Variants in CDH16 observed in about 807,000 individuals in gnomAD.
CDH16 encodes cadherin-16.
In CDH16, 79 loss-of-function variants were observed where a neutral mutation model predicts 87.6. The observed-to-expected ratio is 0.90, with a 90% CI of 0.75 to 1.09. The LOEUF (loss-of-function observed/expected upper bound fraction) is 1.09. Ranked by LOEUF, CDH16 falls within the 50% of genes least tolerant of loss-of-function variation. CDH16 has a pLI of 0.00. For missense variants in CDH16, 1,124 were observed against 1,071.7 expected, an observed-to-expected ratio of 1.05 and a Z score of -0.68; for synonymous variants, 457 against 439.5, an observed-to-expected ratio of 1.04 and a Z score of -0.50.
At position 66,918,227 on chromosome 16, in the gene CDH16, GC is replaced by G. The variant is rs781501771; in HGVS notation, c.-13-150del. 9.2e-5 allele frequency: 50 copies of G among 542,540 alleles called. 1 individual carries two copies. The highest frequency in any genetic ancestry group is 4.9e-4 in the Middle Eastern group (1 of 2,026). 33.6% of individuals were successfully genotyped at this position (542,540 alleles called of 1,614,324 possible). ...GGCTCTCCATCTCCTGCAGGGTAGT[GC>G]CCTGCTCCTCGGCCAGGCCCACCAA... On this transcript the variant is annotated intron_variant, in intron 1 of 17. Transcript: ENST00000299752.
rs774110646 is a variant in CDH16, at chr16:66,913,621, G to A, written c.781-8C>T. 2 of 1,613,554 alleles carry A rather than the reference G, an allele frequency of 1.2e-6. No homozygotes were observed. The highest frequency in any genetic ancestry group is 1.1e-5 in the South Asian group (1 of 91,006). On this transcript the variant is annotated splice_polypyrimidine_tract_variant and splice_region_variant and intron_variant, in intron 7 of 17. Coordinates refer to ENST00000299752, the MANE Select transcript of CDH16 (RefSeq NM_004062.4). ...ACCCCCACTCCAGTGTACCTGGGGG[G>A]GACACCCCGGGCCAAGGGGCAGGAA...
chr16:66,915,378 C>T lies in CDH16; in HGVS notation c.425G>A (p.Gly142Asp), dbSNP rs761786277. The T allele has an allele frequency of 6.1e-5, 98 of 1,613,218 alleles. No individual in the cohort carries two copies. Among genetic ancestry groups the T allele is most frequent in the Non-Finnish European group, 8.2e-5 (97 of 1,179,634 alleles). Residue 142 changes from glycine to aspartate, a missense_variant and splice_region_variant, in exon 6 of 18, where the codon GGC (glycine) becomes GAC (aspartate). Physicochemically the swap from Gly to Asp is moderately conservative, Grantham distance 94. Transcript: ENST00000299752. The part of the protein sequence containing the change: ...RARLSRGTRP[G>D]IPFLFLEASD... ...AGCCTCAAGGAAGAGGAAGGGGATG[C>T]CTGGTTCACGGTGGGAGGGCAAACT...
At chr16:66,915,573 T>C (rs1181791436) in intron 5 of CDH16, among the ~76,000 whole-genome samples, 195 bp from the exon 6 acceptor site, 9 of 150,878 alleles carry the variant, frequency 6.0e-5, no homozygotes, top group Admixed American at 5.3e-4. Flanking sequence ...CTCAGTGGAG[T>C]AGGGAGGAAC....
rs745451873 is a variant in CDH16 at position 66,912,026 on chromosome 16, C to T, written c.1663G>A (p.Val555Met). 10 of 1,614,168 alleles carry T rather than the reference C, an allele frequency of 6.2e-6. No homozygotes were observed. Among genetic ancestry groups the T allele is most frequent in the Non-Finnish European group, 8.5e-6 (10 of 1,180,026 alleles). The part of the protein sequence containing the change: ...PGATATVTVL[V>M]ERVMPPPKLD... ...TTGGGGGGTGGCATCACTCTCTCCA[C>T]TAGCACAGTCACCGTGGCGGTGGCT... Residue 555 changes from valine to methionine, a missense_variant, in exon 13 of 18, where the codon GTG becomes ATG. Physicochemically the swap from Val to Met is conservative, Grantham distance 21. Transcript: ENST00000299752.
In CDH16 at chr16:66,912,991, C is replaced by CAT. The variant is rs1962501665; in HGVS notation, c.1055-101_1055-100insAT. The stretch of plus-strand genomic sequence containing the variant: ...TGCCAAACTAAACTGAATTTGAGCT[C>CAT]GTGTGTGTGTGTGTGTGTGTGTGTG... On this transcript the variant is annotated intron_variant, in intron 9 of 17. Transcript: ENST00000299752. 7 of 1,113,034 alleles carry CAT rather than the reference C, an allele frequency of 6.3e-6. No individual in the cohort carries two copies. In the East Asian group the frequency reaches 7.2e-5, roughly 11 times the overall value. 68.9% of individuals were successfully genotyped at this position (1,113,034 alleles called of 1,614,324 possible). A position where few individuals can be genotyped will look rare whatever the true frequency, so the allele number is the denominator to read the frequency against.
chr16:66,912,461 C>G (rs769646261), intron 11 of CDH16, 31 bp from the exon 12 acceptor site: 2 of 1,614,132 alleles, frequency 1.2e-6, no homozygotes, highest in South Asian at 2.2e-5. Flanking sequence ...GTGAGCCCCC[C>G]ACCAGCATCC....
At chr16:66,914,563 T>C (rs1745268199) in intron 6 of CDH16, 151 bp from the exon 7 acceptor site, 1 of 623,144 alleles carries the variant, frequency 1.6e-6, no homozygotes, top group Non-Finnish European at 2.8e-6. Flanking sequence ...TTAAGCACTG[T>C]TGTGAGCCTC....
chr16:66,915,439 C>T, intron 5 of CDH16, 61 bp from the exon 6 acceptor site: 1 of 1,531,058 alleles, frequency 6.5e-7, no homozygotes, highest in East Asian at 2.3e-5. Flanking sequence ...GTCTCCCATG[C>T]CTCTCCTATT....
At position 66,915,133 on chromosome 16, in the gene CDH16, C is replaced by T. The variant is rs929062746; in HGVS notation, c.583+87G>A. 9 of 1,320,738 alleles carry T rather than the reference C, an allele frequency of 6.8e-6. No homozygotes were observed. The Admixed American group carries it at 2.0e-4, about 29-fold the overall frequency. The allele number at this position is 1,320,738 out of a possible 1,614,324, so 81.8% of individuals were successfully genotyped here. A position where few individuals can be genotyped will look rare whatever the true frequency, so the allele number is the denominator to read the frequency against. ...TCCCTCCCTTTTTACCTCTCAAGCT[C>T]CCACCCATGCTTGTCTTATGGTTCA... On this transcript the variant is annotated intron_variant, in intron 6 of 17. Coordinates refer to ENST00000299752, the MANE Select transcript of CDH16 (RefSeq NM_004062.4).
In CDH16 at chr16:66,913,169, C is replaced by G; in HGVS notation, c.1016G>C (p.Arg339Pro). 6.2e-7 allele frequency: 1 copy of G among 1,609,620 alleles called. No individual in the cohort carries two copies. The highest frequency in any genetic ancestry group is 8.5e-7 in the Non-Finnish European group (1 of 1,177,938). ...CTCAGGGATGCTGACTGTGGGGTCACGGGGAGGGCAGATAGGCACGTTGTC... is the reference window on the plus strand; with the variant it reads ...CTCAGGGATGCTGACTGTGGGGTCAGGGGGAGGGCAGATAGGCACGTTGTC... ...ENDNVPICPP[R>P]DPTVSIPELS... is the part of the protein sequence containing the mutation. Residue 339 changes from arginine to proline, a missense_variant, in exon 9 of 18, where the codon CGT becomes CCT. Physicochemically the swap from Arg to Pro is moderately radical, Grantham distance 103 (BLOSUM62 -2). Transcript: ENST00000299752.
chr16:66,913,974 G>C (rs543564583), intron 7 of CDH16, among the ~76,000 whole-genome samples: 1 of 152,336 alleles, frequency 6.6e-6, no homozygotes, highest in East Asian at 1.9e-4. Context: ...GGAAGCCCTG[G>C]GCAAGTTCAA....
chr16:66,912,372 G>C lies in CDH16; in HGVS notation c.1418C>G (p.Thr473Arg). 6.2e-7 allele frequency: 1 copy of C among 1,614,180 alleles called. No individual in the cohort carries two copies. The highest frequency in any genetic ancestry group is 8.5e-7 in the Non-Finnish European group (1 of 1,180,020). Residue 473 changes from threonine (T) to arginine (R), a missense_variant, in exon 12 of 18, where the codon ACA (threonine) becomes AGA (arginine). Coordinates refer to ENST00000299752, the MANE Select transcript of CDH16 (RefSeq NM_004062.4). ...VEPGTLVAML[T>R]AIDADLEPAF... The stretch of plus-strand genomic sequence containing the variant: ...GGGCTCGAGGTCAGCATCAATGGCT[G>C]TTAGCATGGCCACCAGAGTCCCGGG...
At position 66,911,922 on chromosome 16, in the gene CDH16, G is replaced by C; in HGVS notation, c.1767C>G (p.Ser589=). ...AGSFLLTIQP[S]DPISRTLRFS... ...ACCTGAGGGTTCGGCTGATGGGGTCGGAGGGCTGGATGGTCAGCAGGAAAG... is the reference window on the plus strand; with the variant it reads ...ACCTGAGGGTTCGGCTGATGGGGTCCGAGGGCTGGATGGTCAGCAGGAAAG... The change falls in exon 13 of 18, where the codon TCC becomes TCG. Residue 589 remains serine (S), a synonymous_variant. Transcript: ENST00000299752. 1 of 1,608,636 alleles carries C rather than the reference G, an allele frequency of 6.2e-7. No homozygotes were observed. Among genetic ancestry groups the C allele is most frequent in the East Asian group, 2.2e-5 (1 of 44,760 alleles).
Position 66,912,065 on chromosome 16 carries a change from C to G in CDH16, c.1624G>C (p.Gly542Arg). Residue 542 changes from glycine to arginine, a missense_variant, in exon 13 of 18, where the codon GGC becomes CGC. Coordinates refer to ENST00000299752, the MANE Select transcript of CDH16 (RefSeq NM_004062.4). ...GTGGCGGTGGCTCCAGGGCCTGGGC[C>G]TGGCCCCACCAGCTTCGCCACACTC... The part of the protein sequence containing the change: ...VQSVAKLVGP[G>R]PGPGATATVT... The G allele has an allele frequency of 6.2e-7, 1 of 1,614,122 alleles. No individual in the cohort carries two copies. Among genetic ancestry groups the G allele is most frequent in the Non-Finnish European group, 8.5e-7 (1 of 1,180,022 alleles).
At position 66,909,447 on chromosome 16, in the gene CDH16, C is replaced by T. The variant is rs1469063973; in HGVS notation, c.2276-64G>A. ...AGGGCTCCCCAGCTGCTCAGAGCCC[C>T]CAGCCCAGCCACCTGGCTGATATGT... On this transcript the variant is annotated intron_variant, in intron 16 of 17. Coordinates refer to ENST00000299752, the MANE Select transcript of CDH16 (RefSeq NM_004062.4). The surrounding 1 kb of genome is among the most constrained non-coding windows in gnomAD (Gnocchi z 4.1). The T allele has an allele frequency of 3.3e-5, 37 of 1,115,864 alleles. No homozygotes were observed. In the East Asian group the frequency reaches 9.0e-4, roughly 27 times the overall value. The allele number at this position is 1,115,864 out of a possible 1,614,324, so 69.1% of individuals were successfully genotyped here. A position where few individuals can be genotyped will look rare whatever the true frequency, so the allele number is the denominator to read the frequency against.
Position 66,917,711 on chromosome 16 carries a change from G to A in CDH16, c.60C>T (p.Ala20=). The change falls in exon 3 of 18, where the codon GCC becomes GCT. Residue 20 remains alanine, a synonymous_variant. Coordinates refer to ENST00000299752, the MANE Select transcript of CDH16 (RefSeq NM_004062.4). The stretch of plus-strand genomic sequence containing the variant: ...CTTCCACAGACAGCTCTGCAGGCTG[G>A]GCCTTGGGGAGAGCCTGTGGGAGGA... ...CVSVPQALPK[A]QPAELSVEVP... is the part of the protein sequence containing the mutation. 1.9e-6 allele frequency: 3 copies of A among 1,611,968 alleles called. No homozygotes were observed. Among genetic ancestry groups the A allele is most frequent in the Non-Finnish European group, 2.5e-6 (3 of 1,179,012 alleles).
At position 66,912,075 on chromosome 16, in the gene CDH16, C is replaced by A; in HGVS notation, c.1614G>T (p.Leu538=). ...CTCCAGGGCCTGGGCCTGGCCCCAC[C>A]AGCTTCGCCACACTCTGCACCACCA... is the stretch of plus-strand genomic sequence containing the variant. The part of the protein sequence containing the change: ...VVVVVQSVAK[L]VGPGPGPGAT... Residue 538 remains leucine (L), a synonymous_variant, in exon 13 of 18, where the codon CTG becomes CTT. Transcript: ENST00000299752. 1 of 1,614,070 alleles carries A rather than the reference C, an allele frequency of 6.2e-7. No homozygotes were observed. Among genetic ancestry groups the A allele is most frequent in the African/African-American group, 1.3e-5 (1 of 75,052 alleles).
chr16:66,918,537 T>G (rs1366711057), intron 1 of CDH16, among the ~76,000 whole-genome samples: 1 of 152,198 alleles, frequency 6.6e-6, no homozygotes, highest in Non-Finnish European at 1.5e-5. Context: ...GGAGTCCTCC[T>G]AGCTCAGGGC....
intron 7 of CDH16, 131 bp downstream of exon 7, chr16:66,914,085 A>G (rs1358670869): frequency 4.0e-6 from 3 of 745,688 alleles, no homozygotes. Context: ...CACAGTGGGA[A>G]GTAATGGGAA....
Sources: gnomAD v4.1 joint callset for allele counts (sites outside exome capture counted in the v4.1 genomes callset) on GRCh38, gnomAD v4.1.1 for gene constraint, Gnocchi (gnomAD v3.1) non-coding constraint, MANE v1.5 for transcripts, NCBI Gene and HGNC (gene_info 2026-07-23, HGNC 2026-07-21) for gene names.